The following TRABD variants were observed in gnomAD, a reference collection of about 807,000 sequenced individuals.
The protein encoded by TRABD is TraB domain containing.
In TRABD, 23 loss-of-function variants were observed where a neutral mutation model predicts 39.6. The observed-to-expected ratio is 0.58, with a 90% CI of 0.42 to 0.82. The LOEUF is 0.82. Ranked by LOEUF, TRABD falls within the 40% of genes least tolerant of loss-of-function variation. The pLI is 0.00. For synonymous variants in TRABD, 243 were observed against 232.1 expected, an observed-to-expected ratio of 1.05 and a Z score of -0.43; for missense variants, 487 against 544.9, an observed-to-expected ratio of 0.89 and a Z score of 1.06.
intron 1 of TRABD, among the ~76,000 whole-genome samples, chr22:50,186,235 G>A (rs1159122865): frequency 3.5e-5 from 5 of 143,776 alleles, no homozygotes; most frequent in Non-Finnish European, 6.1e-5. Context: ...GCCAGGGTCA[G>A]ATTCAGGGTT....
intron 1 of TRABD, among the ~76,000 whole-genome samples, chr22:50,186,479 G>A (rs948948989): frequency 1.2e-3 from 179 of 152,262 alleles, no homozygotes; most frequent in Middle Eastern, 3.4e-3. Flanking sequence ...GGGCGGGGAG[G>A]GTCAGCGGCG....
At chr22:50,191,741 T>C (rs2063913295) in intron 1 of TRABD, 1 of 152,096 alleles carries the variant, frequency 6.6e-6, no homozygotes, top group African/African-American at 2.4e-5. Flanking sequence ...CAACGGCTCA[T>C]TTTTATTTTT....
intron 7 of TRABD, 42 bp downstream of exon 7, chr22:50,197,630 CT>C (rs2064164139): frequency 6.2e-7 from 1 of 1,605,888 alleles, no homozygotes; most frequent in African/African-American, 1.3e-5. Flanking sequence ...GCAGGGTGGT[CT>C]GTGGGAGGCT....
rs1768057087 is a variant in TRABD, at chr22:50,199,368, G to A, written c.*849G>A. 1 of 434,616 alleles carries A rather than the reference G, an allele frequency of 2.3e-6. No homozygotes were observed. The highest frequency in any genetic ancestry group is 3.0e-5 in the South Asian group (1 of 33,432). The allele number at this position is 434,616 out of a possible 1,614,324, so 26.9% of individuals were successfully genotyped here. A position where few individuals can be genotyped will look rare whatever the true frequency, so the allele number is the denominator to read the frequency against. ...AAGGACATGGGCTGTGGCCAGGCCT[G>A]TCCCGCTCAGGCCCCCTGCCCGGCG... On this transcript the variant is annotated 3_prime_UTR_variant, in exon 10 of 10. Transcript: ENST00000380909.
rs905963181 is a variant in TRABD at position 50,185,917 on chromosome 22, C to G, written c.-94C>G. ...CCCGCCCCGCGGCCCCAGCCCGCCC[C>G]GTCCGTTGAGGGCCCGCGCCGCATG... On this transcript the variant is annotated 5_prime_UTR_variant, in exon 1 of 10. Coordinates refer to ENST00000380909, the MANE Select transcript of TRABD (RefSeq NM_001320485.2). 62 of 149,926 alleles carry G rather than the reference C, an allele frequency of 4.1e-4. No individual in the cohort carries two copies. The highest frequency in any genetic ancestry group is 7.2e-4 in the Non-Finnish European group (48 of 66,978). 9.3% of individuals were successfully genotyped at this position (149,926 alleles called of 1,614,324 possible). A position where few individuals can be genotyped will look rare whatever the true frequency, so the allele number is the denominator to read the frequency against.
intron 5 of TRABD, chr22:50,197,023 T>A: frequency 1.8e-6 from 1 of 564,574 alleles, no homozygotes. Context: ...TGAAGGGAGC[T>A]ACCTTTGAGA....
intron 1 of TRABD, 47 bp from the exon 2 acceptor site, chr22:50,192,980 G>A (rs937667623): frequency 1.3e-6 from 2 of 1,513,702 alleles, no homozygotes. Flanking sequence ...TCCTGAGCCA[G>A]GTCTGGGGCT....
Position 50,197,213 on chromosome 22 carries a change from A to G in TRABD, c.421-28A>G, listed in dbSNP as rs765786094. The G allele has an allele frequency of 5.0e-6, 8 of 1,594,156 alleles. No homozygotes were observed. The Admixed American group carries it at 5.1e-5, about 10-fold the overall frequency. ...AGCGCACCCCCGCACCCGCCCCTCCAGCTGATGCCTGCTCCCTCTCTCTGC... is the reference window on the plus strand; with the variant it reads ...AGCGCACCCCCGCACCCGCCCCTCCGGCTGATGCCTGCTCCCTCTCTCTGC... On this transcript the variant is annotated intron_variant, in intron 5 of 9. Transcript: ENST00000380909.
At chr22:50,196,837 G>A (rs2064128312) in intron 5 of TRABD, 1 of 164,618 alleles carries the variant, frequency 6.1e-6, no homozygotes, top group Admixed American at 6.2e-5. Context: ...TGGGATTACA[G>A]GCACCCGCCA....
intron 1 of TRABD, among the ~76,000 whole-genome samples, chr22:50,188,923 C>T (rs1051435498): frequency 5.9e-5 from 9 of 152,186 alleles, no homozygotes; most frequent in African/African-American, 2.2e-4. Flanking sequence ...TGGGCTTTTG[C>T]GCACAACAGA....
chr22:50,197,183 C>T lies in TRABD; in HGVS notation c.421-58C>T, dbSNP rs2064141490. ...TGCCTGCCATCCCAGTTCTGCCATTCCCCCAGCGCACCCCCGCACCCGCCC... is the reference window on the plus strand; with the variant it reads ...TGCCTGCCATCCCAGTTCTGCCATTTCCCCAGCGCACCCCCGCACCCGCCC... On this transcript the variant is annotated intron_variant, in intron 5 of 9. Coordinates refer to ENST00000380909, the MANE Select transcript of TRABD (RefSeq NM_001320485.2). 3 of 1,522,922 alleles carry T rather than the reference C, an allele frequency of 2.0e-6. No individual in the cohort carries two copies. In the South Asian group the frequency reaches 3.5e-5, roughly 18 times the overall value. The allele number at this position is 1,522,922 out of a possible 1,614,324, so 94.3% of individuals were successfully genotyped here.
chr22:50,198,604 G>C lies in TRABD; in HGVS notation c.*85G>C. The C allele has an allele frequency of 1.5e-6, 2 of 1,365,682 alleles. No individual in the cohort carries two copies. The highest frequency in any genetic ancestry group is 1.5e-5 in the African/African-American group (1 of 67,196). 84.6% of individuals were successfully genotyped at this position (1,365,682 alleles called of 1,614,324 possible). On this transcript the variant is annotated 3_prime_UTR_variant, in exon 10 of 10. Transcript: ENST00000380909. The surrounding 1 kb of genome is among the most constrained non-coding windows in gnomAD (Gnocchi z 7.9). ...GTGCCAGGTGCATCCTAGCCCGCCC[G>C]AGGCCCCTGCCACCCCCCATGGGGG...
chr22:50,189,490 G>A (rs915444377), intron 1 of TRABD, among the ~76,000 whole-genome samples: 3 of 152,250 alleles, frequency 2.0e-5, no homozygotes, highest in African/African-American at 7.2e-5. Flanking sequence ...CTGCCAGGCT[G>A]CACCGCTTCC....
intron 5 of TRABD, 148 bp from the exon 6 acceptor site, chr22:50,197,093 C>T: frequency 1.4e-6 from 1 of 740,626 alleles, no homozygotes; most frequent in Non-Finnish European, 2.2e-6. Flanking sequence ...TAGGGTGGTC[C>T]TGCACCTGTC....
At chr22:50,186,518 C>T (rs2063762166) in intron 1 of TRABD, among the ~76,000 whole-genome samples, 1 of 152,108 alleles carries the variant, frequency 6.6e-6, no homozygotes, top group African/African-American at 2.4e-5. Flanking sequence ...GGTCGGACCT[C>T]GAGTCCCAGG....
In TRABD at chr22:50,193,236, G is replaced by A. The variant is rs529028438; in HGVS notation, c.33+143G>A. 30 of 1,093,742 alleles carry A rather than the reference G, an allele frequency of 2.7e-5. No homozygotes were observed. The African/African-American group carries it at 3.8e-4, about 14-fold the overall frequency. 67.8% of individuals were successfully genotyped at this position (1,093,742 alleles called of 1,614,324 possible). Reference sequence around the variant, plus strand: ...CCAGGGTCAGGCAGGAGGCACCTCCGAGGGAGAGGGGCGCTGGGCTGAGGT... The same window carrying A: ...CCAGGGTCAGGCAGGAGGCACCTCCAAGGGAGAGGGGCGCTGGGCTGAGGT... On this transcript the variant is annotated intron_variant, in intron 2 of 9. Transcript: ENST00000380909.
chr22:50,194,039 A>G (rs1180234916), intron 3 of TRABD, among the ~76,000 whole-genome samples: 1 of 18,274 alleles, frequency 5.5e-5, no homozygotes, highest in Non-Finnish European at 9.4e-5. Flanking sequence ...ACCTGCCCCC[A>G]CTGTCCCCCA....
chr22:50,197,744 G>C (rs1393471572), intron 7 of TRABD, 79 bp from the exon 8 acceptor site: 11 of 1,582,656 alleles, frequency 7.0e-6, no homozygotes. Context: ...TGTGGTCCCT[G>C]CCCGGTGTCC....
In TRABD at chr22:50,193,775, G is replaced by A. The variant is rs1056745317; in HGVS notation, c.112+121G>A. On this transcript the variant is annotated intron_variant, in intron 3 of 9. Transcript: ENST00000380909. ...CTTGTGGTGAGCAGGGGCCCTGGCC[G>A]AGACCTGAGGTAGGTGCTGCTAGGC... 4.0e-5 allele frequency: 37 copies of A among 931,638 alleles called. No individual in the cohort carries two copies. The Middle Eastern group carries it at 8.8e-4, about 22-fold the overall frequency. 57.7% of individuals were successfully genotyped at this position (931,638 alleles called of 1,614,324 possible).
Sources: gnomAD v4.1 joint callset for allele counts (sites outside exome capture counted in the v4.1 genomes callset) on GRCh38, gnomAD v4.1.1 for gene constraint, Gnocchi (gnomAD v3.1) non-coding constraint, MANE v1.5 for transcripts, NCBI Gene and HGNC (gene_info 2026-07-23, HGNC 2026-07-21) for gene names.